The following ADGRB3 variants were observed in gnomAD, a reference collection of about 807,000 sequenced individuals.
ADGRB3 encodes adhesion G protein-coupled receptor B3, also known as brain-specific angiogenesis inhibitor 3.
A neutral mutation model predicts 193.4 loss-of-function variants in ADGRB3; 37 were observed. The ratio of observed to expected loss-of-function variants is 0.19; its 90% CI spans 0.15 to 0.25. The LOEUF is 0.25. ADGRB3 is among the 10% of genes least tolerant of loss of function. The pLI is 1.00. For synonymous variants in ADGRB3, 690 were observed against 644.2 expected, an observed-to-expected ratio of 1.07 and a Z score of -1.08; for missense variants, 1,637 against 1,852.9, an observed-to-expected ratio of 0.88 and a Z score of 2.14.
intron 3 of ADGRB3, among the ~76,000 whole-genome samples, chr6:68,648,249 T>C (rs2585626): frequency 0.61 from 92,941 of 151,892 alleles, 29,159 homozygotes; most frequent in African/African-American, 0.74. Context: ...TTCCTGAAAT[T>C]TTAAATGTTT....
chr6:69,057,342 A>G (rs1040850747), intron 15 of ADGRB3, among the ~76,000 whole-genome samples: 1 of 152,116 alleles, frequency 6.6e-6, no homozygotes, highest in Non-Finnish European at 1.5e-5. Flanking sequence ...AAGTCATGTC[A>G]TCTATGAACA....
At chr6:69,034,266 ATTGT>A (rs1770799773) in intron 13 of ADGRB3, among the ~76,000 whole-genome samples, 1 of 151,530 alleles carries the variant, frequency 6.6e-6, no homozygotes, top group African/African-American at 2.4e-5. Flanking sequence ...TAATTCCCTG[ATTGT>A]TTGTCTTTTA....
intron 3 of ADGRB3, among the ~76,000 whole-genome samples, chr6:68,741,079 TG>T (rs1214466406): frequency 6.6e-6 from 1 of 152,132 alleles, no homozygotes; most frequent in Non-Finnish European, 1.5e-5. Context: ...AAAAACCATT[TG>T]TCAGTTTGCT....
intron 2 of ADGRB3, among the ~76,000 whole-genome samples, chr6:68,637,921 T>A (rs955616229): frequency 2.6e-5 from 4 of 152,106 alleles, no homozygotes; most frequent in Admixed American, 6.5e-5. Flanking sequence ...TGGTTCTCAA[T>A]GGTGATGTTG....
At chr6:68,667,708 A>G (rs1000685654) in intron 3 of ADGRB3, among the ~76,000 whole-genome samples, 1 of 151,950 alleles carries the variant, frequency 6.6e-6, no homozygotes, top group South Asian at 2.1e-4. Flanking sequence ...TGTCAAAATA[A>G]CTATTATAAC....
At chr6:68,889,084 G>A (rs1055878029) in intron 3 of ADGRB3, among the ~76,000 whole-genome samples, 1 of 152,090 alleles carries the variant, frequency 6.6e-6, no homozygotes, top group African/African-American at 2.4e-5. Flanking sequence ...GGATGTCAGA[G>A]GAAAGACAGG....
At chr6:69,286,927 G>A (rs1347737752) in intron 20 of ADGRB3, among the ~76,000 whole-genome samples, 1 of 152,170 alleles carries the variant, frequency 6.6e-6, no homozygotes, top group Non-Finnish European at 1.5e-5. Flanking sequence ...TAATGTTAGT[G>A]TAACTAACAC....
At chr6:68,905,804 C>A (rs148957329) in intron 3 of ADGRB3, among the ~76,000 whole-genome samples, 1 of 152,220 alleles carries the variant, frequency 6.6e-6, no homozygotes, top group Non-Finnish European at 1.5e-5. Flanking sequence ...TAGCTATTGT[C>A]CCAGTTTTCT....
intron 17 of ADGRB3, among the ~76,000 whole-genome samples, chr6:69,221,410 T>A (rs1041680652): frequency 1.3e-5 from 2 of 152,156 alleles, no homozygotes; most frequent in African/African-American, 4.8e-5. Flanking sequence ...TTTCCACTGC[T>A]ACTCTCTGGT....
chr6:68,910,640 C>T (rs1250355185), intron 3 of ADGRB3, among the ~76,000 whole-genome samples: 5 of 152,194 alleles, frequency 3.3e-5, no homozygotes, highest in Admixed American at 6.5e-5. Context: ...CCAGTTTTCC[C>T]AGCACCATTT....
chr6:69,062,684 G>T (rs1028994499), intron 15 of ADGRB3, among the ~76,000 whole-genome samples: 3 of 151,868 alleles, frequency 2.0e-5, no homozygotes, highest in Non-Finnish European at 2.9e-5. Flanking sequence ...GTAATCAAAA[G>T]CTTATCAGTG....
chr6:69,035,775 T>C (rs1252570687), intron 13 of ADGRB3, among the ~76,000 whole-genome samples: 1 of 152,100 alleles, frequency 6.6e-6, no homozygotes, highest in Admixed American at 6.6e-5. Flanking sequence ...GAAGACAACT[T>C]TAAGCTATGT....
At chr6:69,307,808 A>G (rs1768098088) in intron 20 of ADGRB3, among the ~76,000 whole-genome samples, 1 of 151,458 alleles carries the variant, frequency 6.6e-6, no homozygotes, top group African/African-American at 2.4e-5. Context: ...TGGAAGAATT[A>G]GGCAAATGGC....
At chr6:69,165,735 T>G (rs1775115216) in intron 17 of ADGRB3, among the ~76,000 whole-genome samples, 1 of 152,170 alleles carries the variant, frequency 6.6e-6, no homozygotes, top group East Asian at 1.9e-4. Flanking sequence ...TCTAGTAATA[T>G]TACTAATAAT....
chr6:69,184,466 A>G (rs1765028292), intron 17 of ADGRB3, among the ~76,000 whole-genome samples: 1 of 152,154 alleles, frequency 6.6e-6, no homozygotes, highest in Non-Finnish European at 1.5e-5. Context: ...TAGGCAGAAT[A>G]TATCACTAAT....
At chr6:68,736,794 AT>A (rs1374552240) in intron 3 of ADGRB3, among the ~76,000 whole-genome samples, 1 of 152,012 alleles carries the variant, frequency 6.6e-6, no homozygotes, top group Non-Finnish European at 1.5e-5. Context: ...TTATTTTTAC[AT>A]TTTTTAATAC....
Position 68,757,096 on chromosome 6 carries a change from C to A in ADGRB3, c.757+117664C>A, listed in dbSNP as rs141620691. ...GTTGATAATTACTTCAACTTCCCTCCAATTTGGTTATAAATTTCCTTTATT... is the reference window on the plus strand; with the variant it reads ...GTTGATAATTACTTCAACTTCCCTCAAATTTGGTTATAAATTTCCTTTATT... On this transcript the variant is annotated intron_variant, in intron 3 of 31. Transcript: ENST00000370598. Among the ~76,000 whole-genome samples, 157 of 152,218 alleles carry A rather than the reference C, an allele frequency of 1.0e-3. 2 individuals are homozygous for A. Among genetic ancestry groups the A allele is most frequent in the African/African-American group, 3.5e-3 (147 of 41,552 alleles).
intron 3 of ADGRB3, among the ~76,000 whole-genome samples, chr6:68,855,635 A>T (rs572036261): frequency 3.6e-4 from 55 of 152,294 alleles, no homozygotes; most frequent in African/African-American, 1.3e-3. Context: ...TGATTAAAAA[A>T]CTTTACTCTT....
At position 69,221,192 on chromosome 6, in the gene ADGRB3, A is replaced by G. The variant is rs141108061; in HGVS notation, c.2481-12098A>G. Among the ~76,000 whole-genome samples the G allele has an allele frequency of 9.1e-4, 138 of 152,260 alleles. 1 individual carries two copies. The highest frequency in any genetic ancestry group is 3.2e-3 in the African/African-American group (134 of 41,562). On this transcript the variant is annotated intron_variant, in intron 17 of 31. Transcript: ENST00000370598. The stretch of plus-strand genomic sequence containing the variant: ...ATAGTCATTATTTTAGGCTGTCTAA[A>G]TCAGCATCAAAAAAGCCTTAATTTT...
Sources: gnomAD v4.1 joint callset for allele counts (sites outside exome capture counted in the v4.1 genomes callset) on GRCh38, gnomAD v4.1.1 for gene constraint, MANE v1.5 for transcripts, NCBI Gene and HGNC (gene_info 2026-07-23, HGNC 2026-07-21) for gene names.